Variants in SLC35F3 observed in about 807,000 individuals in gnomAD.
SLC35F3 encodes solute carrier family 35 member F3.
Under a neutral mutation model 49.9 loss-of-function variants are expected in SLC35F3, and 25 were observed. That is an observed-to-expected ratio of 0.50 (90% confidence interval 0.37 to 0.70). The LOEUF is 0.70. Among genes scored for constraint, SLC35F3 ranks in the 30% least tolerant of loss-of-function variants. The pLI, the probability that SLC35F3 is intolerant of heterozygous loss-of-function variation, is 0.00. For synonymous variants in SLC35F3, 275 were observed against 265.4 expected, an observed-to-expected ratio of 1.04 and a Z score of -0.35; for missense variants, 525 against 639.8, an observed-to-expected ratio of 0.82 and a Z score of 1.94.
intron 3 of SLC35F3, among the ~76,000 whole-genome samples, chr1:234,294,260 G>A (rs1050058310): frequency 2.0e-5 from 3 of 152,126 alleles, no homozygotes; most frequent in Admixed American, 6.6e-5. Flanking sequence ...CAGGTCCCTC[G>A]ACAGCGTTGA....
At chr1:234,279,295 G>A (rs755366979) in intron 3 of SLC35F3, among the ~76,000 whole-genome samples, 1 of 152,142 alleles carries the variant, frequency 6.6e-6, no homozygotes, top group Non-Finnish European at 1.5e-5. Context: ...TGACTGAATA[G>A]AATAGGAGGC....
At chr1:234,052,219 G>A (rs147532696) in intron 2 of SLC35F3, among the ~76,000 whole-genome samples, 68 of 152,328 alleles carry the variant, frequency 4.5e-4, no homozygotes, top group African/African-American at 1.5e-3. Flanking sequence ...AATGGTACCA[G>A]CTCCTCTTTG....
intron 2 of SLC35F3, among the ~76,000 whole-genome samples, chr1:233,916,593 G>C (rs6586379): frequency 0.4 from 61,478 of 152,106 alleles, 12,749 homozygotes; most frequent in Middle Eastern, 0.5. Flanking sequence ...TCAAAGTTAC[G>C]TGTAAATAAA....
At chr1:234,160,767 A>G (rs761602308) in intron 2 of SLC35F3, among the ~76,000 whole-genome samples, 4 of 152,132 alleles carry the variant, frequency 2.6e-5, no homozygotes, top group Non-Finnish European at 4.4e-5. Context: ...ATGAGACCCT[A>G]TGGCTTTCGC....
chr1:233,919,264 A>G (rs2102786562), intron 2 of SLC35F3, among the ~76,000 whole-genome samples: 1 of 152,266 alleles, frequency 6.6e-6, no homozygotes, highest in Non-Finnish European at 1.5e-5. Context: ...CTTTGTGACA[A>G]AGGGCAGCAC....
intron 2 of SLC35F3, among the ~76,000 whole-genome samples, chr1:233,937,551 T>C (rs1662354820): frequency 1.3e-5 from 2 of 152,240 alleles, no homozygotes; most frequent in Admixed American, 1.3e-4. Context: ...ACATCAGTTA[T>C]TTTATTTTAG....
chr1:234,069,043 TTA>T (rs1471658609), intron 2 of SLC35F3, among the ~76,000 whole-genome samples: 3 of 91,076 alleles, frequency 3.3e-5, no homozygotes, highest in South Asian at 3.5e-4. Flanking sequence ...TTATATAATT[TTA>T]TATATAATAT....
chr1:234,304,682 A>ATCTCCTATGTGAATATAGGAGATATATAT (rs1368330415), intron 3 of SLC35F3, among the ~76,000 whole-genome samples: 2 of 152,088 alleles, frequency 1.3e-5, no homozygotes, highest in Admixed American at 6.5e-5. Flanking sequence ...TATATTCCAC[A>ATCTCCTATGTGAATATAGGAGATATATAT]CCATCTATCT....
chr1:234,185,385 G>A (rs1666628204), intron 2 of SLC35F3, among the ~76,000 whole-genome samples: 1 of 152,382 alleles, frequency 6.6e-6, no homozygotes, highest in African/African-American at 2.4e-5. Flanking sequence ...ACGAGGAGTA[G>A]AAAGAGGCAG....
chr1:234,219,894 C>A (rs1667176254), intron 2 of SLC35F3, among the ~76,000 whole-genome samples: 1 of 152,188 alleles, frequency 6.6e-6, no homozygotes, highest in South Asian at 2.1e-4. Flanking sequence ...GGTGAGAACA[C>A]AGCATTTCCT....
At position 233,949,327 on chromosome 1, in the gene SLC35F3, G is replaced by A. The variant is rs549841884; in HGVS notation, c.283+43569G>A. 6.6e-5 allele frequency among the ~76,000 whole-genome samples: 10 copies of A among 152,278 alleles called. 1 individual carries two copies. The South Asian group carries it at 2.1e-3, about 32-fold the overall frequency. On this transcript the variant is annotated intron_variant, in intron 2 of 7. Coordinates refer to ENST00000366618, the MANE Select transcript of SLC35F3 (RefSeq NM_173508.4). ...AGCCAAGGCTCCTACATCCTTCCTG[G>A]TGTGCCAGGAGTGCTGGGCCTGATG...
At chr1:234,165,138 T>C (rs1232460193) in intron 2 of SLC35F3, among the ~76,000 whole-genome samples, 1 of 152,022 alleles carries the variant, frequency 6.6e-6, no homozygotes, top group Non-Finnish European at 1.5e-5. Context: ...AGCATTAGTA[T>C]ATAGTATATA....
At position 233,904,984 on chromosome 1, in the gene SLC35F3, T is replaced by G; in HGVS notation, c.-94T>G. On this transcript the variant is annotated 5_prime_UTR_variant, in exon 1 of 8. Transcript: ENST00000366618. ...CGCAGACCCTCGGTGGGCAGCGCAC[T>G]CCAGTCTTCCCAGGCTAGCGGCTGC... 7.1e-7 allele frequency: 1 copy of G among 1,406,778 alleles called. No homozygotes were observed. The highest frequency in any genetic ancestry group is 9.7e-7 in the Non-Finnish European group (1 of 1,026,222). The allele number at this position is 1,406,778 out of a possible 1,614,324, so 87.1% of individuals were successfully genotyped here.
chr1:234,236,925 T>TATATATA (rs1491285612), intron 3 of SLC35F3, among the ~76,000 whole-genome samples: 21 of 96,282 alleles, frequency 2.2e-4, no homozygotes, highest in African/African-American at 6.9e-4. Context: ...AAAAAAAAAA[T>TATATATA]TATATATATA....
intron 2 of SLC35F3, chr1:234,212,507 A>C (rs904389671): frequency 6.6e-6 from 1 of 152,216 alleles, no homozygotes; most frequent in Non-Finnish European, 1.5e-5. Flanking sequence ...TCACACTTGG[A>C]TTTAAATCCC....
At chr1:234,269,817 T>A (rs1375747069) in intron 3 of SLC35F3, among the ~76,000 whole-genome samples, 1 of 152,148 alleles carries the variant, frequency 6.6e-6, no homozygotes, top group Non-Finnish European at 1.5e-5. Context: ...AAAAAATGGC[T>A]GGCACCCCAA....
intron 3 of SLC35F3, among the ~76,000 whole-genome samples, chr1:234,266,873 G>GTTTTTTT (rs34040004): frequency 1.3e-3 from 137 of 108,580 alleles, no homozygotes; most frequent in Non-Finnish European, 1.6e-3. Context: ...GAAGCACATG[G>GTTTTTTT]TTTTTTTTTT....
At chr1:234,043,548 A>G (rs565077862) in intron 2 of SLC35F3, among the ~76,000 whole-genome samples, 114 of 152,300 alleles carry the variant, frequency 7.5e-4, no homozygotes, top group Non-Finnish European at 1.2e-3. Flanking sequence ...TCCACATTCA[A>G]CTGTTGTGTT....
At chr1:234,101,060 C>A (rs565019348) in intron 2 of SLC35F3, among the ~76,000 whole-genome samples, 1 of 152,150 alleles carries the variant, frequency 6.6e-6, no homozygotes, top group Admixed American at 6.5e-5. Flanking sequence ...TCCTCCCATA[C>A]CTTTCCCTCT....
Sources: allele counts gnomAD v4.1 joint callset (sites outside exome capture counted in the v4.1 genomes callset), GRCh38; gene constraint gnomAD v4.1.1; transcripts MANE v1.5; gene names NCBI Gene and HGNC (gene_info 2026-07-23, HGNC 2026-07-21).